The following CLMN variants were observed in gnomAD, a reference collection of about 807,000 sequenced individuals.
CLMN encodes the protein calmin, also known as calmin (calponin-like, transmembrane).
In CLMN, 57 loss-of-function variants were observed where a neutral mutation model predicts 92.7. The observed-to-expected ratio is 0.61, with a 90% CI of 0.50 to 0.77. The LOEUF (loss-of-function observed/expected upper bound fraction) is 0.77, where lower values mean the gene tolerates loss of function less well. Among genes scored for constraint, CLMN ranks in the 30% least tolerant of loss-of-function variants. CLMN has a pLI of 0.00. For missense variants in CLMN, 1,158 were observed against 1,237.5 expected, an observed-to-expected ratio of 0.94 and a Z score of 0.96; for synonymous variants, 466 against 470.6, an observed-to-expected ratio of 0.99 and a Z score of 0.13.
At chr14:95,248,670 G>A (rs76393585) in intron 1 of CLMN, among the ~76,000 whole-genome samples, 13,758 of 152,202 alleles carry the variant, frequency 0.09, 643 homozygotes, top group African/African-American at 0.12. Context: ...AGATGGATGC[G>A]TGCTTTTGGT....
rs1896480990 is a variant in CLMN at position 95,188,074 on chromosome 14, C to T, written c.*3490G>A. On this transcript the variant is annotated 3_prime_UTR_variant, in exon 13 of 13. Coordinates refer to ENST00000298912, the MANE Select transcript of CLMN (RefSeq NM_024734.4). ...CAGAGAAAACACGTGCAAATACTGA[C>T]AGGCAGTGTTCTCCAATGATGAGTC... 1 of 152,194 alleles carries T rather than the reference C, an allele frequency of 6.6e-6. No individual in the cohort carries two copies. The highest frequency in any genetic ancestry group is 1.5e-5 in the Non-Finnish European group (1 of 68,034). 9.4% of individuals were successfully genotyped at this position (152,194 alleles called of 1,614,324 possible).
intron 1 of CLMN, among the ~76,000 whole-genome samples, chr14:95,246,425 G>T: frequency 6.6e-6 from 1 of 152,320 alleles, no homozygotes; most frequent in South Asian, 2.1e-4. Context: ...GCTTCCCATG[G>T]GGCCCTGCAT....
In CLMN at chr14:95,275,571, G is replaced by A. The variant is rs114534665; in HGVS notation, c.82+44140C>T. Among the ~76,000 whole-genome samples, 863 of 152,206 alleles carry A rather than the reference G, an allele frequency of 5.7e-3. 5 individuals carry two copies. Among genetic ancestry groups the A allele is most frequent in the African/African-American group, 0.02 (826 of 41,538 alleles). On this transcript the variant is annotated intron_variant, in intron 1 of 12. Coordinates refer to ENST00000298912, the MANE Select transcript of CLMN (RefSeq NM_024734.4). Reference sequence around the variant, plus strand: ...TCCTGAAAACTCATAAATAATCCACGCCTTCTTTAGCATATAATCAAGAAA... The same window carrying A: ...TCCTGAAAACTCATAAATAATCCACACCTTCTTTAGCATATAATCAAGAAA...
rs368432142 is a variant in CLMN at position 95,204,107 on chromosome 14, G to T, written c.1242C>A (p.Asn414Lys). The T allele has an allele frequency of 5.0e-6, 8 of 1,613,988 alleles. No individual in the cohort carries two copies. Among genetic ancestry groups the T allele is most frequent in the African/African-American group, 2.7e-5 (2 of 74,874 alleles). Residue 414 changes from asparagine (N) to lysine (K), a missense_variant, in exon 9 of 13, where the codon AAC becomes AAA. Coordinates refer to ENST00000298912, the MANE Select transcript of CLMN (RefSeq NM_024734.4). Reference sequence around the variant, plus strand: ...TGATCGGCAAAGAGTTGGACCTCCCGTTCTCCTTTCTGGATGATAAAATGG... The same window carrying T: ...TGATCGGCAAAGAGTTGGACCTCCCTTTCTCCTTTCTGGATGATAAAATGG... ...ESSILSSRKE[N>K]GRSNSLPIKK...
chr14:95,315,867 T>A (rs1901744859), intron 1 of CLMN, among the ~76,000 whole-genome samples: 2 of 152,170 alleles, frequency 1.3e-5, no homozygotes, highest in South Asian at 4.1e-4. Flanking sequence ...CAGCTTTCAT[T>A]CTCCAATGTC....
At chr14:95,196,831 G>A in intron 9 of CLMN, 137 bp from the exon 10 acceptor site, 1 of 759,968 alleles carries the variant, frequency 1.3e-6, no homozygotes, top group Non-Finnish European at 2.1e-6. Context: ...TCCTCTTCAT[G>A]AATCCCCTGC....
chr14:95,247,120 T>C (rs1898603931), intron 1 of CLMN, among the ~76,000 whole-genome samples: 1 of 146,294 alleles, frequency 6.8e-6, no homozygotes, highest in East Asian at 2.0e-4. Context: ...CCCAGCAGTG[T>C]GCCAGCCCAA....
intron 1 of CLMN, among the ~76,000 whole-genome samples, chr14:95,306,406 G>A (rs1034835765): frequency 8.5e-5 from 13 of 152,080 alleles, no homozygotes; most frequent in African/African-American, 1.9e-4. Flanking sequence ...CCAGCTACTC[G>A]GGAAGCGGCG....
At chr14:95,309,742 C>T (rs993750400) in intron 1 of CLMN, among the ~76,000 whole-genome samples, 1 of 151,984 alleles carries the variant, frequency 6.6e-6, no homozygotes, top group Non-Finnish European at 1.5e-5. Flanking sequence ...ACCAAACTCA[C>T]AGAGAAACCT....
chr14:95,284,054 C>T (rs1429538971), intron 1 of CLMN, among the ~76,000 whole-genome samples: 1 of 152,142 alleles, frequency 6.6e-6, no homozygotes, highest in Non-Finnish European at 1.5e-5. Flanking sequence ...CCCAGGGTGC[C>T]TGTGCTGTGT....
At chr14:95,229,029 G>A (rs1897799265) in intron 2 of CLMN, among the ~76,000 whole-genome samples, 1 of 152,170 alleles carries the variant, frequency 6.6e-6, no homozygotes, top group Non-Finnish European at 1.5e-5. Flanking sequence ...ACATGAAAGT[G>A]GGGTGCTACT....
intron 1 of CLMN, among the ~76,000 whole-genome samples, chr14:95,241,864 G>A (rs1471110587): frequency 2.0e-5 from 3 of 151,988 alleles, no homozygotes; most frequent in Non-Finnish European, 1.5e-5. Context: ...GAACACACAC[G>A]CACGCACACT....
intron 6 of CLMN, among the ~76,000 whole-genome samples, 155 bp from the exon 7 acceptor site, chr14:95,211,034 T>G (rs1459468050): frequency 2.0e-5 from 3 of 152,210 alleles, no homozygotes; most frequent in Non-Finnish European, 4.4e-5. Flanking sequence ...ATGGGAGAGC[T>G]GCCCTGAACC....
At chr14:95,237,415 T>C (rs1285297019) in intron 1 of CLMN, among the ~76,000 whole-genome samples, 1 of 152,196 alleles carries the variant, frequency 6.6e-6, no homozygotes, top group African/African-American at 2.4e-5. Context: ...GTGTGTGCCA[T>C]GGGGTCACAC....
intron 1 of CLMN, among the ~76,000 whole-genome samples, chr14:95,245,282 AGT>A (rs1898501519): frequency 2.0e-4 from 15 of 74,552 alleles, no homozygotes; most frequent in African/African-American, 8.8e-4. Flanking sequence ...ATATATATAT[AGT>A]TTTGTTTTGT....
chr14:95,199,449 T>C (rs1234877556), intron 9 of CLMN: 2 of 152,286 alleles, frequency 1.3e-5, no homozygotes, highest in Non-Finnish European at 2.9e-5. Flanking sequence ...GGCCCCTCAC[T>C]GGGCTCTGAT....
At chr14:95,214,066 C>T in intron 5 of CLMN, among the ~76,000 whole-genome samples, 1 of 151,994 alleles carries the variant, frequency 6.6e-6, no homozygotes, top group South Asian at 2.1e-4. Context: ...TCTGAGCTAG[C>T]TGCCCCTGCT....
Position 95,215,704 on chromosome 14 carries a change from T to G in CLMN, c.354A>C (p.Glu118Asp). ...CCAAAGAAGGGTTGCCATCTGCTAT[T>G]TCTGCTGCATCAATGCTAACCAGTT... ...NVKLVSIDAAEIADGNPSLVL... is the reference protein window; with the variant it reads ...NVKLVSIDAADIADGNPSLVL... Residue 118 changes from glutamate (E) to aspartate (D), a missense_variant, in exon 5 of 13, where the codon GAA becomes GAC. Transcript: ENST00000298912. The G allele has an allele frequency of 6.2e-7, 1 of 1,614,162 alleles. No individual in the cohort carries two copies. The highest frequency in any genetic ancestry group is 1.1e-5 in the South Asian group (1 of 91,062).
chr14:95,260,487 A>G (rs1235439486), intron 1 of CLMN: 2 of 152,172 alleles, frequency 1.3e-5, no homozygotes, highest in Admixed American at 6.5e-5. Context: ...ACTGAATAAA[A>G]TGTTTGTTGA....
Sources: gnomAD v4.1 joint callset for allele counts (sites outside exome capture counted in the v4.1 genomes callset) on GRCh38, gnomAD v4.1.1 for gene constraint, MANE v1.5 for transcripts, NCBI Gene and HGNC (gene_info 2026-07-23, HGNC 2026-07-21) for gene names.